Variants in LRBA observed in about 807,000 individuals in gnomAD.
LRBA encodes lipopolysaccharide-responsive and beige-like anchor protein.
Under a neutral mutation model 330.0 loss-of-function variants are expected in LRBA, and 176 were observed. The observed-to-expected ratio is 0.53, with a 90% CI of 0.47 to 0.60. LRBA has a LOEUF of 0.60. Ranked by LOEUF, LRBA falls within the 20% of genes least tolerant of loss-of-function variation. The pLI is 0.00. For missense variants in LRBA, 3,259 were observed against 3,444.8 expected (o/e 0.95, Z 1.35); for synonymous variants, 1,230 against 1,193.0 (o/e 1.03, Z -0.64).
chr4:150,339,348 T>A (rs377565050), intron 48 of LRBA, among the ~76,000 whole-genome samples: 1 of 152,246 alleles, frequency 6.6e-6, no homozygotes, highest in South Asian at 2.1e-4. Context: ...CCTAACAACA[T>A]TGAATGTTGA....
At chr4:150,723,260 C>T (rs1327107126) in intron 36 of LRBA, among the ~76,000 whole-genome samples, 2 of 152,086 alleles carry the variant, frequency 1.3e-5, no homozygotes, top group Non-Finnish European at 2.9e-5. Context: ...GTGCCCTAAC[C>T]CCAGGGAGTG....
At chr4:150,687,016 A>C (rs1783683643) in intron 36 of LRBA, among the ~76,000 whole-genome samples, 1 of 152,150 alleles carries the variant, frequency 6.6e-6, no homozygotes, top group African/African-American at 2.4e-5. Flanking sequence ...AAATCTATAG[A>C]TATAAATCAC....
At chr4:150,528,523 T>C (rs539502310) in intron 40 of LRBA, among the ~76,000 whole-genome samples, 12 of 152,034 alleles carry the variant, frequency 7.9e-5, no homozygotes, top group Admixed American at 3.9e-4. Context: ...AAAGTGATAC[T>C]TTCTTAATTT....
chr4:150,904,681 A>G (rs972576342), intron 13 of LRBA, among the ~76,000 whole-genome samples: 3 of 152,156 alleles, frequency 2.0e-5, no homozygotes, highest in South Asian at 2.1e-4. Context: ...ATCCTCAAAA[A>G]GAAGTAAGAC....
chr4:150,520,337 A>G (rs1762788589), intron 40 of LRBA, among the ~76,000 whole-genome samples: 1 of 152,136 alleles, frequency 6.6e-6, no homozygotes, highest in African/African-American at 2.4e-5. Context: ...TCTTTATAAT[A>G]CTGAGTCTTA....
At chr4:150,629,427 T>C (rs778642850) in intron 37 of LRBA, among the ~76,000 whole-genome samples, 2 of 151,832 alleles carry the variant, frequency 1.3e-5, no homozygotes, top group Non-Finnish European at 2.9e-5. Flanking sequence ...TCACTTGAGG[T>C]CAGGAGTTCG....
intron 37 of LRBA, among the ~76,000 whole-genome samples, chr4:150,672,694 G>A (rs1782171441): frequency 6.6e-6 from 1 of 151,998 alleles, no homozygotes; most frequent in Non-Finnish European, 1.5e-5. Context: ...GACTGGTTTA[G>A]CATGATACCA....
chr4:150,962,354 C>CAAA (rs1306913789), intron 2 of LRBA, among the ~76,000 whole-genome samples: 1 of 148,612 alleles, frequency 6.7e-6, no homozygotes, highest in Non-Finnish European at 1.5e-5. Context: ...CCCATTTCTA[C>CAAA]AAAAAAATGC....
At chr4:150,938,800 C>T (rs1021275446) in intron 2 of LRBA, among the ~76,000 whole-genome samples, 8 of 152,138 alleles carry the variant, frequency 5.3e-5, no homozygotes, top group African/African-American at 1.9e-4. Flanking sequence ...CAGACTTTCA[C>T]CTGAAGGACA....
chr4:150,953,395 CG>C (rs1737085032), intron 2 of LRBA, among the ~76,000 whole-genome samples: 1 of 139,574 alleles, frequency 7.2e-6, no homozygotes, highest in Non-Finnish European at 1.5e-5. Flanking sequence ...CCTCTTTGCA[CG>C]GTCTCCCTCT....
chr4:150,445,344 C>CCTCTCTCT lies in LRBA; in HGVS notation c.6781-8488_6781-8481dup, dbSNP rs1317931739. On this transcript the variant is annotated intron_variant, in intron 44 of 56. Coordinates refer to ENST00000651943, the MANE Select transcript of LRBA (RefSeq NM_001364905.1). The stretch of plus-strand genomic sequence containing the variant: ...TAAAACTGGTTTTAATTTCGGAAAA[C>CCTCTCTCT]CTCTCTCTCTCTCTCTCTCTCTCTC... Among the ~76,000 whole-genome samples, 112 of 59,146 alleles carry CCTCTCTCT rather than the reference C, an allele frequency of 1.9e-3. 1 individual carries two copies. The highest frequency in any genetic ancestry group is 3.2e-3 in the South Asian group (3 of 924). The allele number at this position is 59,146 out of a possible 152,430, so 38.8% of individuals were successfully genotyped here. A position where few individuals can be genotyped will look rare whatever the true frequency, so the allele number is the denominator to read the frequency against.
At chr4:150,464,776 T>C (rs1043329429) in intron 44 of LRBA, among the ~76,000 whole-genome samples, 1 of 152,030 alleles carries the variant, frequency 6.6e-6, no homozygotes, top group Non-Finnish European at 1.5e-5. Context: ...GCAGGTTAAC[T>C]TGGGAATGTT....
At chr4:150,802,956 A>C (rs2126692515) in intron 33 of LRBA, among the ~76,000 whole-genome samples, 1 of 141,590 alleles carries the variant, frequency 7.1e-6, no homozygotes, top group South Asian at 2.5e-4. Context: ...CGGGAGGCAG[A>C]GGTTGCAGTG....
At chr4:150,564,228 C>T (rs2152274714) in intron 40 of LRBA, among the ~76,000 whole-genome samples, 1 of 152,156 alleles carries the variant, frequency 6.6e-6, no homozygotes, top group East Asian at 1.9e-4. Flanking sequence ...TCAGAAATAA[C>T]ACCGCACATC....
At chr4:150,624,846 G>A (rs1776693922) in intron 37 of LRBA, among the ~76,000 whole-genome samples, 1 of 151,886 alleles carries the variant, frequency 6.6e-6, no homozygotes, top group South Asian at 2.1e-4. Context: ...AGTAATTAAG[G>A]TTTTTAAAAT....
intron 47 of LRBA, among the ~76,000 whole-genome samples, chr4:150,402,781 ATC>A (rs950429266): frequency 2.0e-5 from 3 of 151,708 alleles, no homozygotes; most frequent in African/African-American, 7.3e-5. Flanking sequence ...AGAATTATCT[ATC>A]TCTCTCTATA....
intron 37 of LRBA, among the ~76,000 whole-genome samples, chr4:150,678,894 C>T (rs915657520): frequency 4.6e-5 from 7 of 151,830 alleles, no homozygotes; most frequent in Non-Finnish European, 5.9e-5. Flanking sequence ...ATCCACATAG[C>T]GTAACGGAAT....
intron 2 of LRBA, among the ~76,000 whole-genome samples, chr4:150,932,732 A>C (rs547864091): frequency 6.6e-6 from 1 of 152,184 alleles, no homozygotes; most frequent in East Asian, 1.9e-4. Flanking sequence ...CCAAGGCAAC[A>C]TAGCAAAATC....
intron 47 of LRBA, among the ~76,000 whole-genome samples, chr4:150,370,720 C>T (rs1228683382): frequency 6.6e-6 from 1 of 151,950 alleles, no homozygotes; most frequent in East Asian, 1.9e-4. Flanking sequence ...GTAAGTGTAC[C>T]ACACTAATGC....
Sources: gnomAD v4.1 joint callset for allele counts (sites outside exome capture counted in the v4.1 genomes callset) on GRCh38, gnomAD v4.1.1 for gene constraint, MANE v1.5 for transcripts, NCBI Gene and HGNC (gene_info 2026-07-23, HGNC 2026-07-21) for gene names.